Variants in NIM1K observed in about 807,000 individuals in gnomAD.
NIM1K encodes NIM1 serine/threonine protein kinase.
Under a neutral mutation model 37.1 loss-of-function variants are expected in NIM1K, and 35 were observed. That is an observed-to-expected ratio of 0.94 (90% confidence interval 0.72 to 1.25). The LOEUF (loss-of-function observed/expected upper bound fraction) is 1.25, where lower values mean the gene tolerates loss of function less well. Among genes scored for constraint, NIM1K ranks in the 50% most tolerant of loss-of-function variants. The pLI, the probability that NIM1K is intolerant of heterozygous loss-of-function variation, is 0.00. For synonymous variants in NIM1K, 234 were observed against 206.6 expected (o/e 1.13, Z -1.14); for missense variants, 564 against 548.0 (o/e 1.03, Z -0.29).
At chr5:43,261,093 C>T (rs1753022859) in intron 2 of NIM1K, among the ~76,000 whole-genome samples, 1 of 152,102 alleles carries the variant, frequency 6.6e-6, no homozygotes, top group African/African-American at 2.4e-5. Flanking sequence ...GTCTTTATAG[C>T]AGCATGATTT....
In NIM1K at chr5:43,253,811, C is replaced by T. The variant is rs567382673; in HGVS notation, c.292+7744C>T. On this transcript the variant is annotated intron_variant, in intron 2 of 3. Coordinates refer to ENST00000326035, the MANE Select transcript of NIM1K (RefSeq NM_153361.4). Reference sequence around the variant, plus strand: ...AGTAGCTGGGATTACAGGCACACGCCACCATGCTCGGCAATTTTTTTTTGT... The same window carrying T: ...AGTAGCTGGGATTACAGGCACACGCTACCATGCTCGGCAATTTTTTTTTGT... Among the ~76,000 whole-genome samples the T allele has an allele frequency of 2.0e-4, 31 of 152,190 alleles. 1 individual carries two copies. The highest frequency in any genetic ancestry group is 7.5e-4 in the African/African-American group (31 of 41,528).
At chr5:43,276,142 C>G (rs1299029320) in intron 2 of NIM1K, among the ~76,000 whole-genome samples, 1 of 152,172 alleles carries the variant, frequency 6.6e-6, no homozygotes, top group African/African-American at 2.4e-5. Context: ...ATCCTCCCGC[C>G]TTGGCCTCCC....
chr5:43,239,770 A>G (rs939208374), intron 1 of NIM1K, among the ~76,000 whole-genome samples: 3 of 152,060 alleles, frequency 2.0e-5, no homozygotes, highest in Non-Finnish European at 4.4e-5. Flanking sequence ...CAGGTGATGC[A>G]GCATGCCTGG....
chr5:43,253,803 G>A (rs1359822329), intron 2 of NIM1K, among the ~76,000 whole-genome samples: 1 of 151,876 alleles, frequency 6.6e-6, no homozygotes, highest in Non-Finnish European at 1.5e-5. Flanking sequence ...GGGATTACAG[G>A]CACACGCCAC....
intron 3 of NIM1K, among the ~76,000 whole-genome samples, chr5:43,279,715 G>T (rs1352901094): frequency 6.6e-6 from 1 of 152,226 alleles, no homozygotes; most frequent in Non-Finnish European, 1.5e-5. Flanking sequence ...ATCTGGGTCT[G>T]ATTTCTGGTG....
At chr5:43,195,712 A>G (rs1025095845) in intron 1 of NIM1K, among the ~76,000 whole-genome samples, 16 of 151,946 alleles carry the variant, frequency 1.1e-4, no homozygotes, top group Non-Finnish European at 2.2e-4. Context: ...GAAAATCGAG[A>G]CAAAAATCTA....
At chr5:43,243,446 A>G (rs1483759823) in intron 1 of NIM1K, among the ~76,000 whole-genome samples, 16 of 149,560 alleles carry the variant, frequency 1.1e-4, no homozygotes, top group Non-Finnish European at 2.2e-4. Flanking sequence ...TGTATGGGTG[A>G]GGGTTTTTTT....
intron 1 of NIM1K, among the ~76,000 whole-genome samples, chr5:43,221,270 T>C (rs955014745): frequency 4.7e-5 from 7 of 149,836 alleles, no homozygotes; most frequent in African/African-American, 1.7e-4. Context: ...ACGTCAGGAG[T>C]TCGAGACCAG....
intron 2 of NIM1K, 125 bp from the exon 3 acceptor site, chr5:43,276,932 G>A (rs1179705182): frequency 1.1e-6 from 1 of 911,852 alleles, no homozygotes; most frequent in African/African-American, 1.7e-5. Context: ...ATTCCCTGAT[G>A]AGCTCTCTCA....
At chr5:43,197,153 G>C (rs915162634) in intron 1 of NIM1K, among the ~76,000 whole-genome samples, 2 of 151,492 alleles carry the variant, frequency 1.3e-5, no homozygotes, top group African/African-American at 4.9e-5. Flanking sequence ...TTTATTTAGA[G>C]GCAGGATCTC....
At chr5:43,277,779 C>CGTGT (rs765779433) in intron 3 of NIM1K, among the ~76,000 whole-genome samples, 6,695 of 127,256 alleles carry the variant, frequency 0.053, 366 homozygotes, top group African/African-American at 0.15. Context: ...CCCCCCTCTC[C>CGTGT]GTGTGTGTGT....
At chr5:43,221,033 G>A (rs1403391742) in intron 1 of NIM1K, among the ~76,000 whole-genome samples, 1 of 152,124 alleles carries the variant, frequency 6.6e-6, no homozygotes, top group Non-Finnish European at 1.5e-5. Flanking sequence ...ACAAATGAAT[G>A]AATGATGATC....
chr5:43,206,008 G>A (rs537526427), intron 1 of NIM1K, among the ~76,000 whole-genome samples: 18 of 152,098 alleles, frequency 1.2e-4, no homozygotes, highest in Middle Eastern at 3.4e-3. Flanking sequence ...TTCCGCGCCC[G>A]GCCTGCTTGT....
intron 1 of NIM1K, among the ~76,000 whole-genome samples, chr5:43,209,237 T>C (rs1372681727): frequency 6.6e-6 from 1 of 152,158 alleles, no homozygotes; most frequent in Non-Finnish European, 1.5e-5. Context: ...TTGTAAACAT[T>C]GTAATGCCTC....
chr5:43,215,585 C>G (rs1401193046), intron 1 of NIM1K, among the ~76,000 whole-genome samples: 4 of 152,206 alleles, frequency 2.6e-5, no homozygotes, highest in Admixed American at 1.3e-4. Flanking sequence ...AGGCGTGCGC[C>G]ACCACGCCCA....
chr5:43,277,742 G>T (rs1411059602), intron 3 of NIM1K, among the ~76,000 whole-genome samples: 7 of 148,146 alleles, frequency 4.7e-5, no homozygotes, highest in Admixed American at 1.4e-4. Flanking sequence ...TGCCCAGCTT[G>T]GTTCTCTCTC....
At chr5:43,203,643 T>G (rs1180170977) in intron 1 of NIM1K, among the ~76,000 whole-genome samples, 1 of 152,216 alleles carries the variant, frequency 6.6e-6, no homozygotes, top group African/African-American at 2.4e-5. Context: ...GTTTTTCTTT[T>G]AACAATAGTC....
intron 3 of NIM1K, 113 bp downstream of exon 3, chr5:43,277,438 G>C: frequency 8.9e-7 from 1 of 1,119,500 alleles, no homozygotes; most frequent in African/African-American, 1.6e-5. Flanking sequence ...CTACAAAGCA[G>C]ACAGTAGTCC....
At chr5:43,214,824 A>C (rs1308033439) in intron 1 of NIM1K, among the ~76,000 whole-genome samples, 9 of 147,552 alleles carry the variant, frequency 6.1e-5, no homozygotes, top group African/African-American at 2.2e-4. Context: ...AAAAAAAAAA[A>C]AAAAAAACAA....
Sources: gnomAD v4.1 joint callset for allele counts (sites outside exome capture counted in the v4.1 genomes callset) on GRCh38, gnomAD v4.1.1 for gene constraint, MANE v1.5 for transcripts, NCBI Gene and HGNC (gene_info 2026-07-23, HGNC 2026-07-21) for gene names.